The following RCSD1 variants were observed in gnomAD, a reference collection of about 807,000 sequenced individuals.
RCSD1 encodes capZ-interacting protein.
RCSD1 carries 26 observed loss-of-function variants against 42.5 expected under a neutral mutation model. That is an observed-to-expected ratio of 0.61 (90% confidence interval 0.45 to 0.85). The LOEUF (loss-of-function observed/expected upper bound fraction) is 0.85. Among genes scored for constraint, RCSD1 ranks in the 40% least tolerant of loss-of-function variants. The pLI, the probability that RCSD1 is intolerant of heterozygous loss-of-function variation, is 0.00. For missense variants in RCSD1, 571 were observed against 528.3 expected (o/e 1.08, Z -0.79); for synonymous variants, 220 against 212.2 (o/e 1.04, Z -0.32).
At chr1:167,682,411 A>T (rs1200414895) in intron 1 of RCSD1, among the ~76,000 whole-genome samples, 1 of 152,134 alleles carries the variant, frequency 6.6e-6, no homozygotes, top group Non-Finnish European at 1.5e-5. Context: ...TCAAGTGATC[A>T]ACTGCCTCGG....
At chr1:167,678,530 T>C (rs1040432358) in intron 1 of RCSD1, among the ~76,000 whole-genome samples, 1 of 152,114 alleles carries the variant, frequency 6.6e-6, no homozygotes, top group East Asian at 1.9e-4. Flanking sequence ...CCCAGCAGCC[T>C]GACCTTCAAA....
In RCSD1 at chr1:167,697,319, G is replaced by C; in HGVS notation, c.695G>C (p.Gly232Ala). Reference protein sequence around the residue: ...GAAGEGVRTLGPAEKPPLRRS... With the variant: ...GAAGEGVRTLAPAEKPPLRRS... ...GCGGGAGAGGGAGTGAGAACCCTGG[G>C]ACCTGCTGAAAAGCCTCCTCTGAGG... is the stretch of plus-strand genomic sequence containing the variant. The change falls in exon 6 of 7, where the codon GGA (glycine) becomes GCA (alanine). Residue 232 changes from glycine to alanine, a missense_variant. Transcript: ENST00000367854. 1 of 1,614,114 alleles carries C rather than the reference G, an allele frequency of 6.2e-7. No homozygotes were observed. Among genetic ancestry groups the C allele is most frequent in the Non-Finnish European group, 8.5e-7 (1 of 1,179,988 alleles).
chr1:167,679,435 T>TA (rs1659027501), intron 1 of RCSD1, among the ~76,000 whole-genome samples: 1 of 152,184 alleles, frequency 6.6e-6, no homozygotes, highest in African/African-American at 2.4e-5. Context: ...ATTGAAGAAC[T>TA]AGGGATAACT....
intron 1 of RCSD1, among the ~76,000 whole-genome samples, chr1:167,669,282 G>T (rs566031753): frequency 6.6e-6 from 1 of 152,238 alleles, no homozygotes; most frequent in South Asian, 2.1e-4. Context: ...ACTGATTAAA[G>T]TGGAAAAAGT....
chr1:167,679,831 G>A lies in RCSD1; in HGVS notation c.7-4069G>A, dbSNP rs535088571. ...AGACAGGGCAGAGCCTAGGAAGCAG[G>A]TAGAGCCTAGTCTGGCCTGTACATA... is the stretch of plus-strand genomic sequence containing the variant. On this transcript the variant is annotated intron_variant, in intron 1 of 6. Coordinates refer to ENST00000367854, the MANE Select transcript of RCSD1 (RefSeq NM_052862.4). 9.2e-5 allele frequency among the ~76,000 whole-genome samples: 14 copies of A among 152,294 alleles called. No individual in the cohort carries two copies. In the South Asian group the frequency reaches 2.9e-3, roughly 32 times the overall value.
At chr1:167,642,561 G>T (rs1658033455) in intron 1 of RCSD1, among the ~76,000 whole-genome samples, 1 of 152,178 alleles carries the variant, frequency 6.6e-6, no homozygotes, top group African/African-American at 2.4e-5. Context: ...TAAGCGTTAA[G>T]GGCATCTGTT....
chr1:167,674,073 T>C (rs1383766920), intron 1 of RCSD1, among the ~76,000 whole-genome samples: 1 of 152,226 alleles, frequency 6.6e-6, no homozygotes, highest in Non-Finnish European at 1.5e-5. Flanking sequence ...TCTAGGACCA[T>C]GAAACTTCAT....
chr1:167,680,811 T>C (rs1423569554), intron 1 of RCSD1, among the ~76,000 whole-genome samples: 2 of 152,212 alleles, frequency 1.3e-5, no homozygotes, highest in African/African-American at 4.8e-5. Context: ...CTAAGTACTT[T>C]ATGGACATCA....
chr1:167,661,691 T>C lies in RCSD1; in HGVS notation c.7-22209T>C, dbSNP rs12405158. 3.7e-3 allele frequency among the ~76,000 whole-genome samples: 559 copies of C among 152,324 alleles called. 7 individuals are homozygous for C. Among genetic ancestry groups the C allele is most frequent in the East Asian group, 9.6e-3 (50 of 5,184 alleles). ...CTGCCTGGGCTGTCCACAGTTCCGC[T>C]GTCGATTAATATATATAAAATCTTG... On this transcript the variant is annotated intron_variant, in intron 1 of 6. Transcript: ENST00000367854.
chr1:167,663,786 T>G (rs1257930026), intron 1 of RCSD1: 3 of 152,252 alleles, frequency 2.0e-5, no homozygotes, highest in Non-Finnish European at 4.4e-5. Context: ...AGCCCACATT[T>G]TGACTAACAC....
intron 1 of RCSD1, among the ~76,000 whole-genome samples, chr1:167,676,640 C>A (rs1203505681): frequency 2.6e-5 from 4 of 152,174 alleles, no homozygotes; most frequent in Non-Finnish European, 5.9e-5. Context: ...AAAATCCTGT[C>A]ACTGCAATGG....
At chr1:167,670,366 A>AAAAG in intron 1 of RCSD1, among the ~76,000 whole-genome samples, 1 of 151,502 alleles carries the variant, frequency 6.6e-6, no homozygotes, top group African/African-American at 2.4e-5. Context: ...AGAAAAAAAA[A>AAAAG]AAAAAAACCA....
intron 4 of RCSD1, among the ~76,000 whole-genome samples, chr1:167,691,861 C>G (rs1015556493): frequency 2.6e-5 from 4 of 152,160 alleles, no homozygotes; most frequent in African/African-American, 9.7e-5. Flanking sequence ...CAGGAGGCTG[C>G]AGGGCTCCTA....
At chr1:167,692,452 C>T (rs995055635) in intron 4 of RCSD1, among the ~76,000 whole-genome samples, 2 of 152,150 alleles carry the variant, frequency 1.3e-5, no homozygotes, top group African/African-American at 4.8e-5. Flanking sequence ...GCCATGCCAG[C>T]ATATCAACCT....
Position 167,684,923 on chromosome 1 carries a change from T to C in RCSD1, c.109-498T>C, listed in dbSNP as rs994369417. 1.1e-4 allele frequency among the ~76,000 whole-genome samples: 17 copies of C among 152,208 alleles called. 1 individual carries two copies. The East Asian group carries it at 2.5e-3, about 22-fold the overall frequency. ...GAGATGAGGGAAGGGTGCCCCAAGG[T>C]GGAGAGAAATCTATCGTGGCCCCTT... is the stretch of plus-strand genomic sequence containing the variant. On this transcript the variant is annotated intron_variant, in intron 2 of 6. Coordinates refer to ENST00000367854, the MANE Select transcript of RCSD1 (RefSeq NM_052862.4).
At chr1:167,637,229 C>T (rs980140158) in intron 1 of RCSD1, among the ~76,000 whole-genome samples, 3 of 152,072 alleles carry the variant, frequency 2.0e-5, no homozygotes, top group Non-Finnish European at 4.4e-5. Flanking sequence ...AGAAACAGCA[C>T]GGTGTGCATG....
At chr1:167,646,457 A>G (rs1422717211) in intron 1 of RCSD1, among the ~76,000 whole-genome samples, 1 of 151,994 alleles carries the variant, frequency 6.6e-6, no homozygotes, top group Non-Finnish European at 1.5e-5. Context: ...AAAAAAAAAA[A>G]AAAAAAAAAG....
chr1:167,701,252 G>GTTTGTTTGTTTCTTTCTTTC lies in RCSD1; in HGVS notation c.1219-3409_1219-3408insGTTTGTTTCTTTCTTTCTTT, dbSNP rs1276194168. Reference sequence around the variant, plus strand: ...TGACGCCACTTAACCCAATTGCCTAGTTTCTTTCTTTCTTTCTTTCTTTCT... The same window carrying GTTTGTTTGTTTCTTTCTTTC: ...TGACGCCACTTAACCCAATTGCCTAGTTTGTTTGTTTCTTTCTTTCTTTCTTTCTTTCTTTCTTTCTTTCT... On this transcript the variant is annotated intron_variant, in intron 6 of 6. Coordinates refer to ENST00000367854, the MANE Select transcript of RCSD1 (RefSeq NM_052862.4). Among the ~76,000 whole-genome samples, 109 of 96,096 alleles carry GTTTGTTTGTTTCTTTCTTTC rather than the reference G, an allele frequency of 1.1e-3. 1 individual carries two copies. The highest frequency in any genetic ancestry group is 3.6e-3 in the South Asian group (9 of 2,534). The allele number at this position is 96,096 out of a possible 152,430, so 63.0% of individuals were successfully genotyped here.
chr1:167,631,366 A>C (rs1657692600), intron 1 of RCSD1, among the ~76,000 whole-genome samples: 1 of 152,172 alleles, frequency 6.6e-6, no homozygotes, highest in Non-Finnish European at 1.5e-5. Context: ...GGTGATTCCC[A>C]CTCATATTCA....
Sources: allele counts gnomAD v4.1 joint callset (sites outside exome capture counted in the v4.1 genomes callset), GRCh38; gene constraint gnomAD v4.1.1; transcripts MANE v1.5; gene names NCBI Gene and HGNC (gene_info 2026-07-23, HGNC 2026-07-21).